Variants in DNM3 observed in about 807,000 individuals in gnomAD.
The protein encoded by DNM3 is dynamin 3.
DNM3 carries 47 observed loss-of-function variants against 101.6 expected under a neutral mutation model. The ratio of observed to expected loss-of-function variants is 0.46; its 90% confidence interval spans 0.37 to 0.59. DNM3 has a LOEUF of 0.59. DNM3 is among the 20% of genes least tolerant of loss of function. The pLI, the probability that DNM3 is intolerant of heterozygous loss-of-function variation, is 0.00. For missense variants in DNM3, 849 were observed against 1,085.7 expected (o/e 0.78, Z 3.06); for synonymous variants, 385 against 387.9 (o/e 0.99, Z 0.09).
intron 1 of DNM3, among the ~76,000 whole-genome samples, chr1:171,898,652 G>A (rs2038021517): frequency 6.6e-6 from 1 of 151,244 alleles, no homozygotes; most frequent in Non-Finnish European, 1.5e-5. Context: ...ATGCTATATT[G>A]TATTATACTG....
chr1:172,087,448 C>T (rs1181721858), intron 12 of DNM3, among the ~76,000 whole-genome samples: 1 of 152,188 alleles, frequency 6.6e-6, no homozygotes, highest in Non-Finnish European at 1.5e-5. Context: ...GTACCATATT[C>T]AGATGTCTAT....
chr1:172,042,241 A>T, intron 8 of DNM3, 97 bp downstream of exon 8: 2 of 1,186,792 alleles, frequency 1.7e-6, no homozygotes, highest in Non-Finnish European at 2.2e-6. Context: ...TATAGAACTA[A>T]CATAGTTCTT....
intron 1 of DNM3, among the ~76,000 whole-genome samples, chr1:171,881,754 GCTGA>G (rs59531195): frequency 0.43 from 64,557 of 151,776 alleles, 13,820 homozygotes; most frequent in African/African-American, 0.44. Context: ...TCCAGTGGGT[GCTGA>G]CTGAATTGGA....
chr1:172,128,300 C>A (rs2056752518), intron 13 of DNM3, among the ~76,000 whole-genome samples: 1 of 152,178 alleles, frequency 6.6e-6, no homozygotes, highest in African/African-American at 2.4e-5. Context: ...CCTACAGCTA[C>A]CTCAAAGTCA....
chr1:171,871,491 T>C (rs1253463553), intron 1 of DNM3, among the ~76,000 whole-genome samples: 1 of 152,196 alleles, frequency 6.6e-6, no homozygotes, highest in Non-Finnish European at 1.5e-5. Flanking sequence ...TGAAAAATCA[T>C]GTAGGATGTG....
intron 2 of DNM3, among the ~76,000 whole-genome samples, chr1:171,927,896 T>C (rs1176222800): frequency 1.3e-5 from 2 of 152,230 alleles, no homozygotes; most frequent in Non-Finnish European, 2.9e-5. Flanking sequence ...TGTGATTGTT[T>C]AGAGGACATA....
Position 172,410,366 on chromosome 1 carries a change from A to AT in DNM3, c.*2529dup. 1 of 985,258 alleles carries AT rather than the reference A, an allele frequency of 1.0e-6. No individual in the cohort carries two copies. The highest frequency in any genetic ancestry group is 1.2e-6 in the Non-Finnish European group (1 of 829,848). The allele number at this position is 985,258 out of a possible 1,614,324, so 61.0% of individuals were successfully genotyped here. Reference sequence around the variant, plus strand: ...CATACCATTTCTAATCTTTTGTGTAATTTTCTCTTAACTGATTGCTCTGAT... The same window carrying AT: ...CATACCATTTCTAATCTTTTGTGTAATTTTTCTCTTAACTGATTGCTCTGAT... On this transcript the variant is annotated 3_prime_UTR_variant, in exon 21 of 21. Coordinates refer to ENST00000627582, the MANE Select transcript of DNM3 (RefSeq NM_015569.5).
intron 14 of DNM3, among the ~76,000 whole-genome samples, chr1:172,151,068 A>G (rs986077178): frequency 6.6e-6 from 1 of 152,210 alleles, no homozygotes; most frequent in African/African-American, 2.4e-5. Context: ...TGTATATAGT[A>G]TATGTAAATA....
At chr1:172,218,835 G>T (rs1381331739) in intron 14 of DNM3, among the ~76,000 whole-genome samples, 1 of 152,078 alleles carries the variant, frequency 6.6e-6, no homozygotes, top group East Asian at 1.9e-4. Context: ...TAGTGTTATG[G>T]ATCAGAATAT....
At chr1:172,109,895 T>C (rs909534012) in intron 13 of DNM3, among the ~76,000 whole-genome samples, 1 of 152,174 alleles carries the variant, frequency 6.6e-6, no homozygotes, top group African/African-American at 2.4e-5. Context: ...GTAATTAAAA[T>C]CCACAAATAA....
chr1:171,863,589 T>C (rs978657469), intron 1 of DNM3, among the ~76,000 whole-genome samples: 9 of 152,334 alleles, frequency 5.9e-5, no homozygotes, highest in African/African-American at 2.2e-4. Flanking sequence ...AAAATCCCTG[T>C]TACCCAGCTT....
intron 20 of DNM3, chr1:172,389,164 T>C (rs2069376578): frequency 4.8e-6 from 1 of 208,664 alleles, no homozygotes; most frequent in African/African-American, 2.3e-5. Flanking sequence ...GAGAGTTCCA[T>C]GGACTAAAGT....
chr1:172,326,757 A>G (rs1485986487), intron 17 of DNM3, among the ~76,000 whole-genome samples: 3 of 152,134 alleles, frequency 2.0e-5, no homozygotes, highest in African/African-American at 4.8e-5. Context: ...AAATATATCA[A>G]AAGCCCTAAA....
chr1:172,251,061 A>G (rs534484392), intron 14 of DNM3, among the ~76,000 whole-genome samples: 1 of 152,142 alleles, frequency 6.6e-6, no homozygotes, highest in Non-Finnish European at 1.5e-5. Flanking sequence ...TCTGGGGTCT[A>G]TCTTGCATTT....
intron 14 of DNM3, among the ~76,000 whole-genome samples, chr1:172,216,576 A>G (rs1212547119): frequency 6.6e-6 from 1 of 152,170 alleles, no homozygotes; most frequent in Non-Finnish European, 1.5e-5. Flanking sequence ...TTACTTGGAA[A>G]CACTCAAGGC....
intron 14 of DNM3, among the ~76,000 whole-genome samples, chr1:172,233,015 A>G (rs1057105701): frequency 6.6e-6 from 1 of 152,212 alleles, no homozygotes; most frequent in Non-Finnish European, 1.5e-5. Flanking sequence ...AAAAGCTAGC[A>G]GAAGGCAAGA....
chr1:172,172,324 A>G (rs780183398), intron 14 of DNM3, among the ~76,000 whole-genome samples: 8 of 151,638 alleles, frequency 5.3e-5, no homozygotes, highest in African/African-American at 9.7e-5. Context: ...AAAACCACAG[A>G]TAGTACTGAA....
intron 14 of DNM3, among the ~76,000 whole-genome samples, chr1:172,212,145 A>G (rs188400468): frequency 6.6e-6 from 1 of 152,312 alleles, no homozygotes; most frequent in East Asian, 1.9e-4. Flanking sequence ...TAAATGAGAA[A>G]AAAAGGATAT....
At chr1:171,964,651 C>T (rs975248544) in intron 2 of DNM3, among the ~76,000 whole-genome samples, 1 of 152,174 alleles carries the variant, frequency 6.6e-6, no homozygotes, top group African/African-American at 2.4e-5. Flanking sequence ...AAATATTTTA[C>T]AGAGTTTGAC....
Sources: gnomAD v4.1 joint callset for allele counts (sites outside exome capture counted in the v4.1 genomes callset) on GRCh38, gnomAD v4.1.1 for gene constraint, MANE v1.5 for transcripts, NCBI Gene and HGNC (gene_info 2026-07-23, HGNC 2026-07-21) for gene names.